The following SHPK variants were observed in gnomAD, a reference collection of about 807,000 sequenced individuals.
SHPK encodes the protein carbohydrate kinase-like protein.
In SHPK, 51 loss-of-function variants were observed where a neutral mutation model predicts 46.3. The ratio of observed to expected loss-of-function variants is 1.10; its 90% confidence interval spans 0.88 to 1.39. The LOEUF (loss-of-function observed/expected upper bound fraction) is 1.39, where lower values mean the gene tolerates loss of function less well. Among genes scored for constraint, SHPK ranks in the 40% most tolerant of loss-of-function variants. The pLI, the probability that SHPK is intolerant of heterozygous loss-of-function variation, is 0.00. For missense variants in SHPK, 668 were observed against 641.3 expected (o/e 1.04, Z -0.45); for synonymous variants, 290 against 273.9 (o/e 1.06, Z -0.58).
chr17:3,632,176 C>T (rs1322471051), intron 1 of SHPK, among the ~76,000 whole-genome samples: 4 of 151,596 alleles, frequency 2.6e-5, no homozygotes, highest in East Asian at 2.0e-4. Context: ...AGGATGGTCT[C>T]GATCTCTTGA....
intron 5 of SHPK, among the ~76,000 whole-genome samples, chr17:3,618,972 A>C (rs1247255840): frequency 6.6e-6 from 1 of 151,298 alleles, no homozygotes; most frequent in Non-Finnish European, 1.5e-5. Flanking sequence ...TTAACATTTG[A>C]GGAACTACCA....
chr17:3,622,369 A>G (rs1216424073), intron 4 of SHPK, among the ~76,000 whole-genome samples: 1 of 152,140 alleles, frequency 6.6e-6, no homozygotes, highest in Non-Finnish European at 1.5e-5. Flanking sequence ...GTTTGAAGGG[A>G]GCTCAAAAAC....
At chr17:3,631,663 C>T (rs2075473296) in intron 1 of SHPK, among the ~76,000 whole-genome samples, 1 of 151,060 alleles carries the variant, frequency 6.6e-6, no homozygotes, top group South Asian at 2.1e-4. Context: ...GCTGGGATTA[C>T]AGGCTCACAC....
chr17:3,631,480 A>T (rs1391135839), intron 1 of SHPK, among the ~76,000 whole-genome samples: 1 of 145,536 alleles, frequency 6.9e-6, no homozygotes, highest in East Asian at 2.0e-4. Flanking sequence ...ACAATTTAGT[A>T]TGACAAAAAA....
chr17:3,631,641 GC>G (rs1179252362), intron 1 of SHPK, among the ~76,000 whole-genome samples: 2 of 142,326 alleles, frequency 1.4e-5, no homozygotes. Flanking sequence ...TCCTGCCTTA[GC>G]CTCCGGAGTA....
At chr17:3,625,842 G>C (rs542704226) in intron 2 of SHPK, among the ~76,000 whole-genome samples, 36 of 152,216 alleles carry the variant, frequency 2.4e-4, no homozygotes, top group East Asian at 1.4e-3. Flanking sequence ...CACCTGAGGT[G>C]AGGAGTTCGA....
At chr17:3,612,508 G>A (rs923869934) in intron 6 of SHPK, among the ~76,000 whole-genome samples, 14 of 151,986 alleles carry the variant, frequency 9.2e-5, no homozygotes, top group African/African-American at 3.1e-4. Flanking sequence ...ATGACCTGAG[G>A]GAAAGCAAAC....
chr17:3,626,026 C>T (rs907981024), intron 2 of SHPK, among the ~76,000 whole-genome samples: 41 of 151,054 alleles, frequency 2.7e-4, no homozygotes, highest in African/African-American at 9.9e-4. Context: ...GCACTCCAGC[C>T]TGGGCAACAG....
Position 3,610,440 on chromosome 17 carries a change from A to G in SHPK, c.*120T>C. 1 of 1,076,840 alleles carries G rather than the reference A, an allele frequency of 9.3e-7. No individual in the cohort carries two copies. The highest frequency in any genetic ancestry group is 1.3e-6 in the Non-Finnish European group (1 of 746,224). The allele number at this position is 1,076,840 out of a possible 1,614,324, so 66.7% of individuals were successfully genotyped here. The stretch of plus-strand genomic sequence containing the variant: ...GTTCTTGGCCGAGATGGGACCTCAC[A>G]ACAAGCACTGCTTGAAAGCTGTCCA... On this transcript the variant is annotated 3_prime_UTR_variant, in exon 7 of 7. Coordinates refer to ENST00000225519, the MANE Select transcript of SHPK (RefSeq NM_013276.4).
At chr17:3,618,438 C>T (rs369754735) in intron 5 of SHPK, among the ~76,000 whole-genome samples, 3 of 152,276 alleles carry the variant, frequency 2.0e-5, no homozygotes, top group African/African-American at 4.8e-5. Context: ...TGTACTTCTT[C>T]TATCCAACAT....
At chr17:3,621,059 C>A (rs2075397171) in intron 5 of SHPK, among the ~76,000 whole-genome samples, 178 bp downstream of exon 5, 1 of 152,178 alleles carries the variant, frequency 6.6e-6, no homozygotes. Context: ...CCTGTAAGCT[C>A]CCTCAATAGA....
intron 1 of SHPK, among the ~76,000 whole-genome samples, chr17:3,633,081 C>T (rs1254998561): frequency 6.8e-6 from 1 of 146,780 alleles, no homozygotes; most frequent in Non-Finnish European, 1.5e-5. Flanking sequence ...CGAGTTCAAG[C>T]AATTCTCCTG....
intron 5 of SHPK, chr17:3,619,562 G>T: frequency 4.4e-6 from 2 of 451,370 alleles, no homozygotes; most frequent in Admixed American, 3.4e-5. Context: ...GTGAAACCCC[G>T]TGTCTACTAA....
At chr17:3,618,389 G>A (rs1010500878) in intron 5 of SHPK, among the ~76,000 whole-genome samples, 1 of 152,040 alleles carries the variant, frequency 6.6e-6, no homozygotes, top group Non-Finnish European at 1.5e-5. Flanking sequence ...ACAGGTGTAA[G>A]CCACCGCACC....
At chr17:3,624,388 A>G (rs2075420785) in intron 2 of SHPK, among the ~76,000 whole-genome samples, 157 bp from the exon 3 acceptor site, 1 of 152,164 alleles carries the variant, frequency 6.6e-6, no homozygotes, top group Non-Finnish European at 1.5e-5. Context: ...TGGCTTTAGT[A>G]CTTGGCTCTA....
chr17:3,619,562 G>A (rs377428404), intron 5 of SHPK: 46 of 451,370 alleles, frequency 1.0e-4, no homozygotes, highest in Middle Eastern at 6.8e-4. Context: ...GTGAAACCCC[G>A]TGTCTACTAA....
intron 2 of SHPK, among the ~76,000 whole-genome samples, chr17:3,625,581 G>A (rs1422323272): frequency 2.6e-5 from 4 of 151,840 alleles, no homozygotes; most frequent in African/African-American, 4.8e-5. Flanking sequence ...GTGACCCCCT[G>A]GACCAGTCTG....
intron 5 of SHPK, among the ~76,000 whole-genome samples, chr17:3,618,876 A>G (rs1435762734): frequency 6.6e-6 from 1 of 152,156 alleles, no homozygotes; most frequent in African/African-American, 2.4e-5. Context: ...TCTGTGTACA[A>G]CTTTTTGTGT....
chr17:3,630,802 T>C (rs779460282), intron 1 of SHPK, among the ~76,000 whole-genome samples: 6 of 152,048 alleles, frequency 3.9e-5, no homozygotes, highest in Non-Finnish European at 7.4e-5. Flanking sequence ...AGGCGGAGGT[T>C]GCGGTGAGCC....
Sources: gnomAD v4.1 joint callset for allele counts (sites outside exome capture counted in the v4.1 genomes callset) on GRCh38, gnomAD v4.1.1 for gene constraint, MANE v1.5 for transcripts, NCBI Gene and HGNC (gene_info 2026-07-23, HGNC 2026-07-21) for gene names.